FNBP1: variants seen among roughly 807,000 people sequenced by gnomAD.
FNBP1 encodes formin binding protein 1.
FNBP1 carries 26 observed loss-of-function variants against 90.6 expected under a neutral mutation model. That is an observed-to-expected ratio of 0.29 (90% CI 0.21 to 0.40). FNBP1 has a LOEUF of 0.40. Ranked by LOEUF, FNBP1 falls within the 10% of genes least tolerant of loss-of-function variation. FNBP1 has a pLI of 1.00. For synonymous variants in FNBP1, 260 were observed against 265.2 expected, an observed-to-expected ratio of 0.98 and a Z score of 0.19; for missense variants, 635 against 768.0, an observed-to-expected ratio of 0.83 and a Z score of 2.05.
intron 1 of FNBP1, among the ~76,000 whole-genome samples, chr9:130,026,436 G>C (rs577328390): frequency 1.3e-5 from 2 of 152,250 alleles, no homozygotes; most frequent in African/African-American, 4.8e-5. Context: ...GGAGGTTGCA[G>C]TGAGCAGAGA....
chr9:129,899,399 A>G (rs935622037), intron 15 of FNBP1, among the ~76,000 whole-genome samples: 10 of 151,998 alleles, frequency 6.6e-5, no homozygotes, highest in African/African-American at 2.4e-4. Context: ...GCTTCTAAAG[A>G]AAGTTCTGGT....
chr9:130,029,081 A>G (rs760908257), intron 1 of FNBP1, among the ~76,000 whole-genome samples: 1 of 152,118 alleles, frequency 6.6e-6, no homozygotes, highest in Admixed American at 6.5e-5. Flanking sequence ...ATTTTTTACT[A>G]TTTGGTTAAC....
chr9:129,972,877 T>C (rs1038742775), intron 4 of FNBP1, among the ~76,000 whole-genome samples: 10 of 152,194 alleles, frequency 6.6e-5, no homozygotes, highest in African/African-American at 2.4e-4. Flanking sequence ...CTGCATTAAG[T>C]AACAGAATGA....
chr9:130,021,017 G>A (rs1453172079), intron 1 of FNBP1, among the ~76,000 whole-genome samples: 1 of 152,110 alleles, frequency 6.6e-6, no homozygotes, highest in Non-Finnish European at 1.5e-5. Flanking sequence ...TGCTTGGTTG[G>A]TGAAAAACAG....
rs750676954 is a variant in FNBP1 at position 129,966,574 on chromosome 9, C to CA, written c.346-8022dup. Among the ~76,000 whole-genome samples, 10 of 151,832 alleles carry CA rather than the reference C, an allele frequency of 6.6e-5. No homozygotes were observed. Among genetic ancestry groups the CA allele is most frequent in the Non-Finnish European group, 7.4e-5 (5 of 67,918 alleles). On this transcript the variant is annotated intron_variant, in intron 4 of 16. Transcript: ENST00000446176. The surrounding 1 kb of genome is among the most constrained non-coding windows in gnomAD (Gnocchi z 4.3). ...TGAAATGCCGTCTCTACTAAAAATACAAAAAAAATTAGCTGGGCATAGTGG... is the reference window on the plus strand; with the variant it reads ...TGAAATGCCGTCTCTACTAAAAATACAAAAAAAAATTAGCTGGGCATAGTGG...
chr9:129,974,048 TC>T (rs2049922226), intron 4 of FNBP1, among the ~76,000 whole-genome samples: 1 of 151,856 alleles, frequency 6.6e-6, no homozygotes, highest in African/African-American at 2.4e-5. Flanking sequence ...GTCTCGAACT[TC>T]TGACCTCAAG....
At chr9:129,896,934 C>T (rs2035875356) in intron 15 of FNBP1, among the ~76,000 whole-genome samples, 1 of 152,140 alleles carries the variant, frequency 6.6e-6, no homozygotes, top group South Asian at 2.1e-4. Flanking sequence ...CCCGGCCCAA[C>T]TGCTCCTCTT....
intron 1 of FNBP1, among the ~76,000 whole-genome samples, chr9:130,000,434 A>G (rs1326747257): frequency 6.6e-6 from 1 of 151,994 alleles, no homozygotes; most frequent in African/African-American, 2.4e-5. Context: ...GAGGTTGCTG[A>G]TCTCGGCTGA....
chr9:130,017,871 G>GT (rs373281834), intron 1 of FNBP1, among the ~76,000 whole-genome samples: 5,689 of 93,700 alleles, frequency 0.061, 472 homozygotes, highest in African/African-American at 0.18. Flanking sequence ...GTCTAACGTG[G>GT]TTTTTTTTTT....
intron 2 of FNBP1, among the ~76,000 whole-genome samples, chr9:129,987,142 GGAGA>G (rs1296767703): frequency 1.3e-5 from 2 of 152,104 alleles, no homozygotes; most frequent in South Asian, 2.1e-4. Flanking sequence ...GCAGCCACAT[GGAGA>G]GAGAAAGTGT....
chr9:130,030,905 A>G (rs1384360734), intron 1 of FNBP1, among the ~76,000 whole-genome samples: 1 of 152,220 alleles, frequency 6.6e-6, no homozygotes, highest in East Asian at 1.9e-4. Context: ...AGGTTGTATC[A>G]TCTGAGCAGA....
upstream of FNBP1, among the ~76,000 whole-genome samples, chr9:130,047,255 T>C (rs1411658406): frequency 6.6e-6 from 1 of 152,148 alleles, no homozygotes; most frequent in Non-Finnish European, 1.5e-5. Context: ...ATTAATTACT[T>C]GGTTGGTGGT....
intron 10 of FNBP1, among the ~76,000 whole-genome samples, chr9:129,918,121 T>G (rs1196391638): frequency 6.6e-6 from 1 of 152,220 alleles, no homozygotes; most frequent in Non-Finnish European, 1.5e-5. Flanking sequence ...CTCAAAATAT[T>G]GTATAGGAAG....
At chr9:129,909,495 C>T (rs1414142714) in intron 11 of FNBP1, among the ~76,000 whole-genome samples, 1 of 152,106 alleles carries the variant, frequency 6.6e-6, no homozygotes, top group Non-Finnish European at 1.5e-5. Context: ...CAAAAGTCTC[C>T]ACCCCTGTAA....
intron 4 of FNBP1, among the ~76,000 whole-genome samples, chr9:129,960,568 G>A (rs1470919323): frequency 1.1e-4 from 17 of 151,996 alleles, no homozygotes; most frequent in Non-Finnish European, 8.8e-5. Flanking sequence ...GCTCTGGTGT[G>A]GTGTTAACCT....
chr9:129,918,900 G>A, intron 10 of FNBP1: 1 of 169,070 alleles, frequency 5.9e-6, no homozygotes, highest in South Asian at 1.2e-4. Context: ...AAAAAAACAA[G>A]CTCAGCTCAC....
intron 1 of FNBP1, among the ~76,000 whole-genome samples, chr9:130,025,213 T>A (rs2132014299): frequency 6.6e-6 from 1 of 152,096 alleles, no homozygotes; most frequent in African/African-American, 2.4e-5. Flanking sequence ...TTTTTGCCTA[T>A]GGAGTCACAC....
At chr9:129,911,517 T>C (rs372286096) in intron 11 of FNBP1, among the ~76,000 whole-genome samples, 5 of 152,192 alleles carry the variant, frequency 3.3e-5, no homozygotes, top group South Asian at 2.1e-4. Flanking sequence ...GACAGGGTTT[T>C]TGGGGAGATT....
At chr9:129,895,596 G>A in intron 16 of FNBP1, 5 of 1,238,774 alleles carry the variant, frequency 4.0e-6, no homozygotes, top group Admixed American at 4.2e-5. Flanking sequence ...GTAAGTTGGC[G>A]GTTGGCAGCT....
Sources: allele counts gnomAD v4.1 joint callset (sites outside exome capture counted in the v4.1 genomes callset), GRCh38; gene constraint gnomAD v4.1.1; non-coding constraint Gnocchi (gnomAD v3.1); transcripts MANE v1.5; gene names NCBI Gene and HGNC (gene_info 2026-07-23, HGNC 2026-07-21).